PYCR1: variants seen among roughly 807,000 people sequenced by gnomAD.
PYCR1 encodes the protein pyrroline-5-carboxylate reductase 1.
PYCR1 carries 19 observed loss-of-function variants against 22.9 expected under a neutral mutation model. The observed-to-expected ratio is 0.83, with a 90% CI of 0.58 to 1.22. The LOEUF (loss-of-function observed/expected upper bound fraction) is 1.22, where lower values mean the gene tolerates loss of function less well. Ranked by LOEUF, PYCR1 falls within the 50% of genes most tolerant of loss-of-function variation. The probability of loss-of-function intolerance (pLI) is 0.00; values close to 1 mark genes in which losing one functional copy is unlikely to be tolerated. For missense variants in PYCR1, 429 were observed against 431.3 expected (o/e 0.99, Z 0.05); for synonymous variants, 175 against 180.5 (o/e 0.97, Z 0.24).
At chr17:81,934,137 G>T in intron 6 of PYCR1, 189 bp downstream of exon 6, 1 of 789,842 alleles carries the variant, frequency 1.3e-6, no homozygotes. Flanking sequence ...CTCCTCGCAG[G>T]AAACGGAAGG....
chr17:81,932,920 G>A lies in PYCR1; in HGVS notation c.*294C>T. ...TGCCAGCTGATACTGGAGTAGGAGT[G>A]GGTGAAGACCCTCCGGGCTCCCGAG... On this transcript the variant is annotated 3_prime_UTR_variant, in exon 7 of 7. Transcript: ENST00000329875. The A allele has an allele frequency of 1.2e-6, 2 of 1,612,054 alleles. No individual in the cohort carries two copies. Among genetic ancestry groups the A allele is most frequent in the Non-Finnish European group, 1.7e-6 (2 of 1,179,558 alleles).
chr17:81,935,218 T>A, intron 3 of PYCR1, 71 bp from the exon 4 acceptor site: 1 of 1,563,966 alleles, frequency 6.4e-7, no homozygotes, highest in Non-Finnish European at 8.7e-7. Flanking sequence ...CACCAAGCAG[T>A]GCCCGAGCTC....
Position 81,936,120 on chromosome 17 carries a change from T to A in PYCR1, c.138+3A>T, listed in dbSNP as rs146125578. The A allele has an allele frequency of 1.2e-6, 2 of 1,613,332 alleles. No individual in the cohort carries two copies. The highest frequency in any genetic ancestry group is 8.5e-7 in the Non-Finnish European group (1 of 1,179,610). The stretch of plus-strand genomic sequence containing the variant: ...CTCCTTTCTCCCTTTCATCTGCACC[T>A]ACCCTGAGAGCAGAAACTGTGGCCA... On this transcript the variant is annotated splice_donor_region_variant and intron_variant, in intron 2 of 6. Transcript: ENST00000329875.
At chr17:81,935,590 G>A (rs1598356522) in intron 2 of PYCR1, 74 bp from the exon 3 acceptor site, 4 of 880,584 alleles carry the variant, frequency 4.5e-6, no homozygotes, top group East Asian at 4.4e-5. Context: ...AGCCCCACAG[G>A]TAGAATGGCA....
chr17:81,936,278 T>C (rs563443272), intron 1 of PYCR1, 85 bp from the exon 2 acceptor site: 11 of 1,349,424 alleles, frequency 8.2e-6, no homozygotes, highest in Middle Eastern at 1.8e-4. Context: ...CAGGCTGGAG[T>C]GCAGTGGCGC....
rs776747315 is a variant in PYCR1, at chr17:81,936,177, G to A, written c.84C>T (p.His28=). ...TGTCTGGGGAGCTAGCCATTATCTT[G>A]TGGGCAGCCAAGACGCCTGAGGGGA... The part of the protein sequence containing the change: ...GFTAAGVLAA[H]KIMASSPDMD... Residue 28 remains histidine (H), a synonymous_variant, in exon 2 of 7, where the codon CAC becomes CAT. Transcript: ENST00000329875. 1.1e-5 allele frequency: 17 copies of A among 1,613,644 alleles called. No homozygotes were observed. Among genetic ancestry groups the A allele is most frequent in the Non-Finnish European group, 1.4e-5 (17 of 1,179,830 alleles).
chr17:81,935,590 G>C, intron 2 of PYCR1, 74 bp from the exon 3 acceptor site: 1 of 880,726 alleles, frequency 1.1e-6, no homozygotes, highest in South Asian at 1.4e-5. Flanking sequence ...AGCCCCACAG[G>C]TAGAATGGCA....
In PYCR1 at chr17:81,933,121, G is replaced by T; in HGVS notation, c.*93C>A. The T allele has an allele frequency of 1.2e-6, 2 of 1,604,254 alleles. No homozygotes were observed. On this transcript the variant is annotated 3_prime_UTR_variant, in exon 7 of 7. Transcript: ENST00000329875. ...CTGGCTGGCCCCTGCGCTGATCAGA[G>T]CCACAGAAAGTGGGCCACTTTGGGG...
intron 6 of PYCR1, 91 bp from the exon 7 acceptor site, chr17:81,933,467 T>C: frequency 4.1e-6 from 6 of 1,477,980 alleles, no homozygotes; most frequent in South Asian, 1.2e-5. Flanking sequence ...CAGTCAGCCC[T>C]GGGCGATGCT....
At chr17:81,934,831 C>A (rs1421179739) in intron 4 of PYCR1, 86 bp from the exon 5 acceptor site, 1 of 1,547,036 alleles carries the variant, frequency 6.5e-7, no homozygotes, top group Non-Finnish European at 8.8e-7. Flanking sequence ...AGCCTTGGAG[C>A]CCTCCACCCT....
rs1221425284 is a variant in PYCR1 at position 81,936,985 on chromosome 17, C to G, written c.-171G>C. 6.7e-7 allele frequency: 1 copy of G among 1,483,160 alleles called. No homozygotes were observed. Among genetic ancestry groups the G allele is most frequent in the Non-Finnish European group, 9.0e-7 (1 of 1,117,196 alleles). 91.9% of individuals were successfully genotyped at this position (1,483,160 alleles called of 1,614,324 possible). A position where few individuals can be genotyped will look rare whatever the true frequency, so the allele number is the denominator to read the frequency against. On this transcript the variant is annotated 5_prime_UTR_variant, in exon 1 of 7. Transcript: ENST00000329875. ...CTGGTCTAACTTTCCACTTTGCTGT[C>G]CGGCCCGTTAACTGCTTCGGGGCCC...
intron 2 of PYCR1, among the ~76,000 whole-genome samples, chr17:81,935,797 C>T (rs1014868905): frequency 7.2e-5 from 11 of 152,234 alleles, no homozygotes. Context: ...CCGGGCTCTC[C>T]ACGTGGGAGT....
rs539637881 is a variant in PYCR1, at chr17:81,932,737, G to A, written c.*477C>T. On this transcript the variant is annotated 3_prime_UTR_variant, in exon 7 of 7. Coordinates refer to ENST00000329875, the MANE Select transcript of PYCR1 (RefSeq NM_006907.4). ...AGAGGGGCTGTGGCCCTTCACGCTG[G>A]ACTTGGGATGCCTGGACCCTCTGGC... 2.7e-3 allele frequency: 3,308 copies of A among 1,234,278 alleles called. 17 individuals carry two copies. Among genetic ancestry groups the A allele is most frequent in the Middle Eastern group, 0.02 (77 of 3,770 alleles). The allele number at this position is 1,234,278 out of a possible 1,614,324, so 76.5% of individuals were successfully genotyped here.
At chr17:81,934,623 C>T in intron 5 of PYCR1, 30 bp downstream of exon 5, 1 of 1,552,324 alleles carries the variant, frequency 6.4e-7, no homozygotes, top group Non-Finnish European at 8.7e-7. Flanking sequence ...CAAAGAGTGG[C>T]CCCACCAGAG....
intron 4 of PYCR1, 67 bp downstream of exon 4, chr17:81,934,859 C>A: frequency 6.3e-7 from 1 of 1,578,062 alleles, no homozygotes; most frequent in Non-Finnish European, 8.6e-7. Flanking sequence ...CCAGGGGGAG[C>A]AGGGACAGAT....
chr17:81,933,184 G>T lies in PYCR1; in HGVS notation c.*30C>A. ...CCCTAGTGACAAGAGAAGAGAAGGT[G>T]GTGGCAGGATGGTGGTCAGGCAGGA... On this transcript the variant is annotated 3_prime_UTR_variant, in exon 7 of 7. Coordinates refer to ENST00000329875, the MANE Select transcript of PYCR1 (RefSeq NM_006907.4). The T allele has an allele frequency of 6.2e-7, 1 of 1,612,966 alleles. No homozygotes were observed. The highest frequency in any genetic ancestry group is 1.3e-5 in the African/African-American group (1 of 75,044).
At position 81,935,397 on chromosome 17, in the gene PYCR1, A is replaced by G. The variant is rs1011629889; in HGVS notation, c.258T>C (p.Ile86=). The G allele has an allele frequency of 1.2e-6, 2 of 1,613,514 alleles. No individual in the cohort carries two copies. The highest frequency in any genetic ancestry group is 1.7e-6 in the Non-Finnish European group (2 of 1,180,012). The part of the protein sequence containing the change: ...PFILDEIGAD[I]EDRHIVVSCA... Reference sequence around the variant, plus strand: ...AGGACACCACAATGTGTCTGTCCTCAATGTCGGCGCCTATTTCATCCAGGA... The same window carrying G: ...AGGACACCACAATGTGTCTGTCCTCGATGTCGGCGCCTATTTCATCCAGGA... Residue 86 remains isoleucine (I), a synonymous_variant, in exon 3 of 7, where the codon ATT becomes ATC. Transcript: ENST00000329875.
intron 6 of PYCR1, among the ~76,000 whole-genome samples, chr17:81,933,733 T>C (rs1433220458): frequency 6.6e-6 from 1 of 152,210 alleles, no homozygotes; most frequent in Non-Finnish European, 1.5e-5. Flanking sequence ...TGAGGGTGTC[T>C]GGACTGGAGA....
intron 6 of PYCR1, 90 bp from the exon 7 acceptor site, chr17:81,933,466 C>T (rs1567921391): frequency 6.8e-7 from 1 of 1,478,470 alleles, no homozygotes; most frequent in Non-Finnish European, 9.3e-7. Context: ...CCAGTCAGCC[C>T]TGGGCGATGC....
Sources: gnomAD v4.1 joint callset for allele counts (sites outside exome capture counted in the v4.1 genomes callset) on GRCh38, gnomAD v4.1.1 for gene constraint, MANE v1.5 for transcripts, NCBI Gene and HGNC (gene_info 2026-07-23, HGNC 2026-07-21) for gene names.